The following PIK3C2B variants were observed in gnomAD, a reference collection of about 807,000 sequenced individuals.
The protein encoded by PIK3C2B is phosphatidylinositol-4-phosphate 3-kinase catalytic subunit type 2 beta.
In PIK3C2B, 83 loss-of-function variants were observed where a neutral mutation model predicts 184.3. That is an observed-to-expected ratio of 0.45 (90% CI 0.38 to 0.54). The LOEUF is 0.54. Ranked by LOEUF, PIK3C2B falls within the 20% of genes least tolerant of loss-of-function variation. PIK3C2B has a pLI of 0.00. For synonymous variants in PIK3C2B, 779 were observed against 837.6 expected (o/e 0.93, Z 1.21); for missense variants, 1,736 against 2,113.5 (o/e 0.82, Z 3.50).
At chr1:204,443,729 T>G (rs528070285) in intron 18 of PIK3C2B, 132 bp from the exon 19 acceptor site, 33 of 766,616 alleles carry the variant, frequency 4.3e-5, no homozygotes, top group Non-Finnish European at 6.9e-5. Context: ...AAATACATTC[T>G]GTATGTACGG....
chr1:204,429,742 T>A (rs150774168), intron 29 of PIK3C2B, among the ~76,000 whole-genome samples, 179 bp downstream of exon 29: 30 of 152,348 alleles, frequency 2.0e-4, no homozygotes, highest in Middle Eastern at 6.8e-3. Context: ...TATAACCCTG[T>A]GAGGCTGGAC....
In PIK3C2B at chr1:204,464,004, T is replaced by C; in HGVS notation, c.1310+8A>G. 1 of 1,613,576 alleles carries C rather than the reference T, an allele frequency of 6.2e-7. No homozygotes were observed. The highest frequency in any genetic ancestry group is 8.5e-7 in the Non-Finnish European group (1 of 1,179,708). Reference sequence around the variant, plus strand: ...AAGGCAGGGGCTACCTCCCACCCATTCACTCACTTCTGCAGGAACTCCTCC... The same window carrying C: ...AAGGCAGGGGCTACCTCCCACCCATCCACTCACTTCTGCAGGAACTCCTCC... On this transcript the variant is annotated splice_region_variant and intron_variant, in intron 5 of 32. Coordinates refer to ENST00000684373, the MANE Select transcript of PIK3C2B (RefSeq NM_001377334.1).
At chr1:204,436,002 C>A (rs1485970762) in intron 23 of PIK3C2B, among the ~76,000 whole-genome samples, 1 of 152,172 alleles carries the variant, frequency 6.6e-6, no homozygotes, top group Admixed American at 6.6e-5. Flanking sequence ...TTAAATGAAT[C>A]CTATTTTGGC....
Position 204,428,192 on chromosome 1 carries a change from G to A in PIK3C2B, c.4427C>T (p.Pro1476Leu). 1 of 1,612,712 alleles carries A rather than the reference G, an allele frequency of 6.2e-7. No homozygotes were observed. Among genetic ancestry groups the A allele is most frequent in the Non-Finnish European group, 8.5e-7 (1 of 1,178,816 alleles). ...CATAGCCTTCTCATCCCGGGGCAGT[G>A]GGTGGAAGAAGGTGTACACCAAATC... ...ECDLVYTFFH[P>L]LPRDEKAMGT... is the part of the protein sequence containing the mutation. The change falls in exon 30 of 33, where the codon CCA becomes CTA. Residue 1476 changes from proline (P) to leucine (L), a missense_variant. Pro to Leu is a moderately conservative substitution (Grantham distance 98). Around this residue, in one of 8 missense-constraint regions of PIK3C2B, gnomAD observed 200 missense variants for 199.1 expected, o/e 1.00. Transcript: ENST00000684373.
chr1:204,424,900 C>T lies in PIK3C2B; in HGVS notation c.4857G>A (p.Glu1619=). The change falls in exon 33 of 33, where the codon GAG becomes GAA. Residue 1619 remains glutamate (E), a synonymous_variant. Coordinates refer to ENST00000684373, the MANE Select transcript of PIK3C2B (RefSeq NM_001377334.1). The stretch of plus-strand genomic sequence containing the variant: ...ATCCCAGGGCGAACCAGCCGGTCTT[C>T]TCCTGAGCCAGGTCCAGCTCTCGCA... The part of the protein sequence containing the change: ...IRLRELDLAQ[E]KTGWFALGSR... 6.2e-7 allele frequency: 1 copy of T among 1,614,264 alleles called. No homozygotes were observed. The highest frequency in any genetic ancestry group is 1.1e-5 in the South Asian group (1 of 91,084).
At position 204,468,928 on chromosome 1, in the gene PIK3C2B, C is replaced by A; in HGVS notation, c.875G>T (p.Arg292Leu). Residue 292 changes from arginine to leucine, a missense_variant, in exon 2 of 33, where the codon CGC becomes CTC. This residue lies in a region of PIK3C2B where 404 missense variants were observed against 418.0 expected (regional missense o/e 0.97). Coordinates refer to ENST00000684373, the MANE Select transcript of PIK3C2B (RefSeq NM_001377334.1). Reference sequence around the variant, plus strand: ...CGTCGCATTCTTTCGGTTGCCATAGCGGGAGGCATAGGTGCGGGGGGGCAC... The same window carrying A: ...CGTCGCATTCTTTCGGTTGCCATAGAGGGAGGCATAGGTGCGGGGGGGCAC... ...PQVPPRTYAS[R>L]YGNRKNATPG... The A allele has an allele frequency of 1.9e-6, 3 of 1,610,416 alleles. No individual in the cohort carries two copies. Among genetic ancestry groups the A allele is most frequent in the Non-Finnish European group, 2.5e-6 (3 of 1,177,728 alleles).
At chr1:204,457,097 A>G in intron 9 of PIK3C2B, 27 bp from the exon 10 acceptor site, 1 of 1,555,786 alleles carries the variant, frequency 6.4e-7, no homozygotes. Flanking sequence ...GAGGGAGGGG[A>G]GCTTCAGGGC....
At chr1:204,478,079 A>T (rs1433609263) in intron 1 of PIK3C2B, among the ~76,000 whole-genome samples, 1 of 152,162 alleles carries the variant, frequency 6.6e-6, no homozygotes, top group Non-Finnish European at 1.5e-5. Flanking sequence ...AGTAGATTTT[A>T]CTAAGGGAAG....
At chr1:204,493,821 C>T (rs1658175618) in intron 1 of PIK3C2B, among the ~76,000 whole-genome samples, 1 of 152,194 alleles carries the variant, frequency 6.6e-6, no homozygotes, top group Non-Finnish European at 1.5e-5. Context: ...GTCCCTCTCC[C>T]TCTTTCAAGC....
intron 1 of PIK3C2B, among the ~76,000 whole-genome samples, chr1:204,478,817 C>T (rs1232277209): frequency 6.6e-6 from 1 of 152,236 alleles, no homozygotes; most frequent in African/African-American, 2.4e-5. Flanking sequence ...TAGTGGAAGT[C>T]TTTCTGGGTC....
chr1:204,461,313 T>C (rs766488658), intron 5 of PIK3C2B, among the ~76,000 whole-genome samples: 9 of 152,220 alleles, frequency 5.9e-5, no homozygotes, highest in Non-Finnish European at 1.3e-4. Flanking sequence ...CACCCATGTG[T>C]GAGACTCCCC....
chr1:204,442,728 T>C (rs1675736004), intron 19 of PIK3C2B, 95 bp from the exon 20 acceptor site: 1 of 776,092 alleles, frequency 1.3e-6, no homozygotes, highest in Non-Finnish European at 2.2e-6. Context: ...TAGTAGTCGG[T>C]ATGAAAACCA....
At chr1:204,444,622 G>T (rs1237932721) in intron 16 of PIK3C2B, among the ~76,000 whole-genome samples, 198 bp from the exon 17 acceptor site, 1 of 152,194 alleles carries the variant, frequency 6.6e-6, no homozygotes, top group Non-Finnish European at 1.5e-5. Context: ...CTCACGGTCA[G>T]AGTCTGCCTT....
intron 20 of PIK3C2B, among the ~76,000 whole-genome samples, 159 bp from the exon 21 acceptor site, chr1:204,441,722 C>T (rs576006975): frequency 6.6e-6 from 1 of 152,098 alleles, no homozygotes; most frequent in African/African-American, 2.4e-5. Flanking sequence ...ACCCAATTTC[C>T]TTCCTTCTCT....
chr1:204,478,071 T>C (rs752574326), intron 1 of PIK3C2B, among the ~76,000 whole-genome samples: 3 of 152,072 alleles, frequency 2.0e-5, no homozygotes, highest in Non-Finnish European at 4.4e-5. Context: ...TGATTTTCAG[T>C]AGATTTTACT....
At chr1:204,446,338 C>T (rs1277481752) in intron 15 of PIK3C2B, among the ~76,000 whole-genome samples, 194 bp from the exon 16 acceptor site, 2 of 152,218 alleles carry the variant, frequency 1.3e-5, no homozygotes, top group Non-Finnish European at 2.9e-5. Flanking sequence ...CTGGGTCACA[C>T]CTGATACCAG....
At chr1:204,454,559 G>A (rs1654661156) in intron 12 of PIK3C2B, 110 bp downstream of exon 12, 1 of 1,091,202 alleles carries the variant, frequency 9.2e-7, no homozygotes, top group African/African-American at 1.6e-5. Context: ...GGTTAACAAG[G>A]AGCCTGGTTT....
At chr1:204,490,977 A>G (rs1396854773) in intron 1 of PIK3C2B, among the ~76,000 whole-genome samples, 1 of 152,188 alleles carries the variant, frequency 6.6e-6, no homozygotes, top group Non-Finnish European at 1.5e-5. Flanking sequence ...GAAGGTAGAC[A>G]TAGAAATAAA....
Position 204,469,008 on chromosome 1 carries a change from G to C in PIK3C2B, c.795C>G (p.Phe265Leu). The change falls in exon 2 of 33, where the codon TTC becomes TTG. Residue 265 changes from phenylalanine (F) to leucine (L), a missense_variant. Coordinates refer to ENST00000684373, the MANE Select transcript of PIK3C2B (RefSeq NM_001377334.1). ...CGGGTTTTCCAGAGGTGTCTTTGCT[G>C]AAGTCCAGCGGCCCTCGGCCCTCCT... is the stretch of plus-strand genomic sequence containing the variant. ...GWKEGRGPLD[F>L]SKDTSGKPVA... 8.1e-6 allele frequency: 13 copies of C among 1,614,218 alleles called. No individual in the cohort carries two copies. Among genetic ancestry groups the C allele is most frequent in the Non-Finnish European group, 1.1e-5 (13 of 1,180,044 alleles).
Sources: allele counts gnomAD v4.1 joint callset (sites outside exome capture counted in the v4.1 genomes callset), GRCh38; gene constraint gnomAD v4.1.1; regional missense constraint gnomAD v4.1.1; transcripts MANE v1.5; gene names NCBI Gene and HGNC (gene_info 2026-07-23, HGNC 2026-07-21).